SEC23B: variants seen among roughly 807,000 people sequenced by gnomAD.
SEC23B encodes SEC23 homolog B, COPII component.
Under a neutral mutation model 104.3 loss-of-function variants are expected in SEC23B, and 77 were observed. The observed-to-expected ratio is 0.74, with a 90% CI of 0.61 to 0.89. The LOEUF (loss-of-function observed/expected upper bound fraction) is 0.89, where lower values mean the gene tolerates loss of function less well. Ranked by LOEUF, SEC23B falls within the 40% of genes least tolerant of loss-of-function variation. The pLI is 0.00. For missense variants in SEC23B, 885 were observed against 949.4 expected, an observed-to-expected ratio of 0.93 and a Z score of 0.89; for synonymous variants, 338 against 332.5, an observed-to-expected ratio of 1.02 and a Z score of -0.18.
intron 11 of SEC23B, among the ~76,000 whole-genome samples, chr20:18,535,170 A>T (rs951732773): frequency 1.3e-5 from 2 of 151,644 alleles, no homozygotes; most frequent in Non-Finnish European, 2.9e-5. Context: ...GTTATATACC[A>T]TGTAGAGACA....
chr20:18,543,402 A>G (rs1015261788), intron 14 of SEC23B, among the ~76,000 whole-genome samples: 1 of 152,198 alleles, frequency 6.6e-6, no homozygotes. Flanking sequence ...TTGGAGAGTG[A>G]TACAAATCTG....
intron 8 of SEC23B, 113 bp from the exon 9 acceptor site, chr20:18,527,383 G>A (rs2060143135): frequency 1.3e-6 from 1 of 779,324 alleles, no homozygotes; most frequent in Admixed American, 1.7e-5. Flanking sequence ...GTCACAAAAA[G>A]AGAAAAGAAA....
In SEC23B at chr20:18,542,414, C is replaced by G; in HGVS notation, c.1511+12C>G. The G allele has an allele frequency of 6.2e-7, 1 of 1,608,710 alleles. No homozygotes were observed. The highest frequency in any genetic ancestry group is 8.5e-7 in the Non-Finnish European group (1 of 1,175,052). On this transcript the variant is annotated intron_variant, in intron 13 of 19. Coordinates refer to ENST00000650089, the MANE Select transcript of SEC23B (RefSeq NM_006363.6). ...ACCATCGCCCGAAAGTAAGCAGCCC[C>G]AGTTTCCTTTCTGTTGAGGAACTGA... is the stretch of plus-strand genomic sequence containing the variant.
At chr20:18,533,212 G>C (rs2060201630) in intron 11 of SEC23B, among the ~76,000 whole-genome samples, 1 of 152,230 alleles carries the variant, frequency 6.6e-6, no homozygotes, top group African/African-American at 2.4e-5. Flanking sequence ...TGACACTGCT[G>C]TGTGTGCAGA....
At chr20:18,523,410 T>C (rs2060102969) in intron 4 of SEC23B, among the ~76,000 whole-genome samples, 1 of 147,858 alleles carries the variant, frequency 6.8e-6, no homozygotes, top group South Asian at 2.2e-4. Context: ...TTTTTTTTTT[T>C]TTTCTTTTTT....
chr20:18,539,847 G>A (rs1028221516), intron 12 of SEC23B, among the ~76,000 whole-genome samples: 4 of 151,016 alleles, frequency 2.6e-5, no homozygotes, highest in Admixed American at 2.0e-4. Flanking sequence ...GTTTCACCGT[G>A]TTGTCCTGGC....
chr20:18,524,397 T>C (rs777226032), intron 4 of SEC23B, 36 bp from the exon 5 acceptor site: 2 of 1,467,114 alleles, frequency 1.4e-6, no homozygotes, highest in Non-Finnish European at 1.9e-6. Flanking sequence ...AGTCTATTTG[T>C]ATATTGATCA....
chr20:18,553,835 G>T (rs1042630534), intron 17 of SEC23B, among the ~76,000 whole-genome samples: 1 of 152,198 alleles, frequency 6.6e-6, no homozygotes, highest in Non-Finnish European at 1.5e-5. Context: ...GAAAGGAGAT[G>T]GGGGAGTGGA....
chr20:18,550,969 G>A (rs1204331401), intron 16 of SEC23B, 120 bp from the exon 17 acceptor site: 2 of 751,984 alleles, frequency 2.7e-6, no homozygotes, highest in African/African-American at 3.4e-5. Context: ...ACTGTGCTGG[G>A]CACCATTTGT....
chr20:18,537,565 A>C (rs145738048), intron 12 of SEC23B, among the ~76,000 whole-genome samples: 2,259 of 152,140 alleles, frequency 0.015, 26 homozygotes, highest in Middle Eastern at 0.041. Context: ...GAAGGGGAAC[A>C]TCACACTCTG....
Position 18,509,077 on chromosome 20 carries a change from T to C in SEC23B, c.-15+1105T>C, listed in dbSNP as rs184972293. ...AGAGAGACGGTTATTTAATGAAATCTGCTGACATACTTGCTGAGAGTTGTG... is the reference window on the plus strand; with the variant it reads ...AGAGAGACGGTTATTTAATGAAATCCGCTGACATACTTGCTGAGAGTTGTG... On this transcript the variant is annotated intron_variant, in intron 1 of 19. Transcript: ENST00000650089. Among the ~76,000 whole-genome samples the C allele has an allele frequency of 5.3e-5, 8 of 152,354 alleles. No homozygotes were observed. The East Asian group carries it at 1.5e-3, about 29-fold the overall frequency.
At chr20:18,536,469 G>A (rs1288783738) in intron 12 of SEC23B, among the ~76,000 whole-genome samples, 2 of 152,160 alleles carry the variant, frequency 1.3e-5, no homozygotes, top group African/African-American at 4.8e-5. Flanking sequence ...GAGGCGGGCG[G>A]ATCATGAGGT....
intron 9 of SEC23B, among the ~76,000 whole-genome samples, chr20:18,528,244 A>G (rs1213847841): frequency 6.6e-6 from 1 of 152,236 alleles, no homozygotes; most frequent in African/African-American, 2.4e-5. Flanking sequence ...ATGAAAGTGT[A>G]GGAACCACTG....
Position 18,524,538 on chromosome 20 carries a change from C to A in SEC23B, c.472C>A (p.Leu158Ile), listed in dbSNP as rs919655089. Residue 158 changes from leucine (L) to isoleucine (I), a missense_variant, in exon 5 of 20, where the codon CTT (leucine) becomes ATT (isoleucine). Coordinates refer to ENST00000650089, the MANE Select transcript of SEC23B (RefSeq NM_006363.6). ...GTCCCTGCAGATGTCCCTGAGTCTT[C>A]TTCCTCCAGATGCTCTGGTGGGTCT... ...KESLQMSLSL[L>I]PPDALVGLIT... The A allele has an allele frequency of 6.2e-7, 1 of 1,614,074 alleles. No individual in the cohort carries two copies. The highest frequency in any genetic ancestry group is 8.5e-7 in the Non-Finnish European group (1 of 1,180,018).
chr20:18,553,666 C>T (rs1353943197), intron 17 of SEC23B, among the ~76,000 whole-genome samples: 2 of 152,202 alleles, frequency 1.3e-5, no homozygotes, highest in African/African-American at 4.8e-5. Flanking sequence ...TCCTCACTGC[C>T]TCATCAACAC....
rs2060144825 is a variant in SEC23B, at chr20:18,527,549, T to A, written c.1047T>A (p.Ile349=). The change falls in exon 9 of 20, where the codon ATT becomes ATA. Residue 349 remains isoleucine, a synonymous_variant. Transcript: ENST00000650089. ...CTGCAAATGGTCACTGCATTGATAT[T>A]TATGCTTGTGCCCTTGATCAAACTG... ...RTAANGHCID[I]YACALDQTGL... is the part of the protein sequence containing the mutation. The A allele has an allele frequency of 1.2e-6, 2 of 1,613,786 alleles. No homozygotes were observed. The highest frequency in any genetic ancestry group is 2.7e-5 in the African/African-American group (2 of 74,932).
chr20:18,529,788 G>C (rs752497162), intron 9 of SEC23B, among the ~76,000 whole-genome samples: 1 of 152,174 alleles, frequency 6.6e-6, no homozygotes, highest in Non-Finnish European at 1.5e-5. Context: ...CTAAGGAAGA[G>C]GTAGATATTT....
intron 4 of SEC23B, among the ~76,000 whole-genome samples, chr20:18,520,534 A>C (rs1217122376): frequency 6.6e-6 from 1 of 152,112 alleles, no homozygotes; most frequent in Non-Finnish European, 1.5e-5. Context: ...GGGAATAGTC[A>C]GGGAAGCAGA....
At chr20:18,517,006 A>G (rs192118126) in intron 4 of SEC23B, among the ~76,000 whole-genome samples, 19 of 152,374 alleles carry the variant, frequency 1.2e-4, no homozygotes, top group Non-Finnish European at 2.5e-4. Flanking sequence ...ATTAAGTCTT[A>G]CAACCCTTGA....
Sources: allele counts gnomAD v4.1 joint callset (sites outside exome capture counted in the v4.1 genomes callset), GRCh38; gene constraint gnomAD v4.1.1; transcripts MANE v1.5; gene names NCBI Gene and HGNC (gene_info 2026-07-23, HGNC 2026-07-21).